LPXN: variants seen among roughly 807,000 people sequenced by gnomAD.
The protein encoded by LPXN is leupaxin.
A neutral mutation model predicts 45.6 loss-of-function variants in LPXN; 28 were observed. The ratio of observed to expected loss-of-function variants is 0.61; its 90% confidence interval spans 0.45 to 0.84. The LOEUF (loss-of-function observed/expected upper bound fraction) is 0.84. Among genes scored for constraint, LPXN ranks in the 40% least tolerant of loss-of-function variants. The pLI is 0.00. For synonymous variants in LPXN, 166 were observed against 169.9 expected (o/e 0.98, Z 0.18); for missense variants, 459 against 475.0 (o/e 0.97, Z 0.31).
At chr11:58,562,806 G>A (rs1035974881) in intron 3 of LPXN, among the ~76,000 whole-genome samples, 34 of 13,628 alleles carry the variant, frequency 2.5e-3, no homozygotes, top group African/African-American at 3.2e-3. Flanking sequence ...GAAATAGAGC[G>A]ACTTGTGGGG....
At chr11:58,576,809 C>T (rs1312484119), upstream of LPXN, among the ~76,000 whole-genome samples, 1 of 152,186 alleles carries the variant, frequency 6.6e-6, no homozygotes, top group Non-Finnish European at 1.5e-5. Flanking sequence ...AGCTCTCTGT[C>T]ACCCAGGCTG....
chr11:58,533,627 T>C (rs756293968), intron 7 of LPXN, among the ~76,000 whole-genome samples: 2 of 152,202 alleles, frequency 1.3e-5, no homozygotes, highest in African/African-American at 2.4e-5. Flanking sequence ...TTCTTCAAAA[T>C]AACCAGCTAG....
chr11:58,558,540 C>CAAAA (rs35870490), intron 3 of LPXN, among the ~76,000 whole-genome samples: 94 of 47,884 alleles, frequency 2.0e-3, no homozygotes, highest in East Asian at 5.2e-3. Context: ...GAGACCCTGT[C>CAAAA]AAAAAAAAAA....
At chr11:58,577,427 G>A (rs1392675052), upstream of LPXN, among the ~76,000 whole-genome samples, 1 of 152,202 alleles carries the variant, frequency 6.6e-6, no homozygotes, top group Admixed American at 6.5e-5. Flanking sequence ...TTAACTGAAT[G>A]ATTAATGTGA....
intron 1 of LPXN, among the ~76,000 whole-genome samples, chr11:58,572,448 C>A (rs937749683): frequency 6.6e-6 from 1 of 151,972 alleles, no homozygotes; most frequent in Non-Finnish European, 1.5e-5. Context: ...GACCCTATGG[C>A]ATTAAAAAGT....
intron 2 of LPXN, 58 bp from the exon 3 acceptor site, chr11:58,564,259 T>C (rs1590577474): frequency 2.8e-6 from 3 of 1,070,902 alleles, no homozygotes; most frequent in Admixed American, 3.7e-5. Flanking sequence ...ATCAGAATGT[T>C]GAGGCTTAAT....
chr11:58,557,665 G>A (rs758943772), intron 3 of LPXN, among the ~76,000 whole-genome samples: 12 of 152,240 alleles, frequency 7.9e-5, no homozygotes, highest in Middle Eastern at 3.4e-3. Context: ...AAATTGTATC[G>A]TATTTAGGAT....
intron 1 of LPXN, among the ~76,000 whole-genome samples, chr11:58,574,754 T>C (rs1165422536): frequency 6.6e-6 from 1 of 152,158 alleles, no homozygotes; most frequent in East Asian, 1.9e-4. Flanking sequence ...TATTAAACAC[T>C]ACCTTTTTCT....
At chr11:58,557,114 C>A (rs1711813537) in intron 3 of LPXN, among the ~76,000 whole-genome samples, 1 of 152,022 alleles carries the variant, frequency 6.6e-6, no homozygotes, top group Admixed American at 6.6e-5. Context: ...ATTGTTACAG[C>A]CATTACAGAA....
intron 7 of LPXN, among the ~76,000 whole-genome samples, chr11:58,545,449 C>T (rs2120286494): frequency 6.6e-6 from 1 of 152,248 alleles, no homozygotes; most frequent in South Asian, 2.1e-4. Context: ...ACTTTTATGG[C>T]TACCAGTACA....
rs116631874 is a variant in LPXN, at chr11:58,535,925, T to A, written c.743-7734A>T. On this transcript the variant is annotated intron_variant, in intron 7 of 8. Transcript: ENST00000395074. ...ACTCATTCACAATTGCTATACAGAA[T>A]TAAATACCTTGGAATACAACTTACA... Among the ~76,000 whole-genome samples the A allele has an allele frequency of 7.8e-3, 1,182 of 152,230 alleles. 16 individuals carry two copies. Among genetic ancestry groups the A allele is most frequent in the African/African-American group, 0.027 (1,134 of 41,522 alleles).
intron 7 of LPXN, among the ~76,000 whole-genome samples, chr11:58,541,140 A>T (rs1444004690): frequency 6.6e-6 from 1 of 152,222 alleles, no homozygotes; most frequent in East Asian, 1.9e-4. Flanking sequence ...CAAGGACTTC[A>T]TGTCTAAAAC....
At chr11:58,541,989 A>G in intron 7 of LPXN, among the ~76,000 whole-genome samples, 1 of 150,954 alleles carries the variant, frequency 6.6e-6, no homozygotes, top group African/African-American at 2.4e-5. Flanking sequence ...GAATTGAACA[A>G]TGAGAACACA....
At chr11:58,578,662 C>T (rs1854996508), upstream of LPXN, among the ~76,000 whole-genome samples, 1 of 152,320 alleles carries the variant, frequency 6.6e-6, no homozygotes, top group South Asian at 2.1e-4. Context: ...CAGGCTACTT[C>T]TGCGGCCTAA....
chr11:58,561,626 T>G (rs1854380587), intron 3 of LPXN, among the ~76,000 whole-genome samples: 1 of 152,226 alleles, frequency 6.6e-6, no homozygotes, highest in Non-Finnish European at 1.5e-5. Flanking sequence ...GCAGCAGGAC[T>G]GTGAACACAT....
At chr11:58,573,478 A>AT (rs1854777816) in intron 1 of LPXN, among the ~76,000 whole-genome samples, 1 of 152,202 alleles carries the variant, frequency 6.6e-6, no homozygotes, top group South Asian at 2.1e-4. Flanking sequence ...ATAAAAAGCC[A>AT]TTTACAATAA....
Position 58,549,858 on chromosome 11 carries a change from T to A in LPXN, c.670A>T (p.Thr224Ser). Residue 224 changes from threonine (T) to serine (S), a missense_variant, in exon 7 of 9, where the codon ACA (threonine) becomes TCA (serine). Thr to Ser is a moderately conservative substitution (Grantham distance 58). Coordinates refer to ENST00000395074, the MANE Select transcript of LPXN (RefSeq NM_004811.3). Reference sequence around the variant, plus strand: ...GGGTGCCAGGTCTGGTTCATTGCTGTCAGCACTTTCTGGAAAGGGAACACA... The same window carrying A: ...GGGTGCCAGGTCTGGTTCATTGCTGACAGCACTTTCTGGAAAGGGAACACA... Reference protein sequence around the residue: ...CAAPILDKVLTAMNQTWHPEH... With the variant: ...CAAPILDKVLSAMNQTWHPEH... The A allele has an allele frequency of 6.2e-7, 1 of 1,614,180 alleles. No homozygotes were observed. Among genetic ancestry groups the A allele is most frequent in the African/African-American group, 1.3e-5 (1 of 75,048 alleles).
chr11:58,555,027 T>C, intron 3 of LPXN, 87 bp from the exon 4 acceptor site: 1 of 812,726 alleles, frequency 1.2e-6, no homozygotes, highest in South Asian at 1.5e-5. Context: ...AATGCAACTG[T>C]AATAATGAAT....
intron 7 of LPXN, among the ~76,000 whole-genome samples, chr11:58,547,331 C>T (rs1853905282): frequency 6.6e-6 from 1 of 152,134 alleles, no homozygotes; most frequent in East Asian, 1.9e-4. Context: ...AAAACAAATC[C>T]TCAAAGAAAC....
Sources: allele counts gnomAD v4.1 joint callset (sites outside exome capture counted in the v4.1 genomes callset), GRCh38; gene constraint gnomAD v4.1.1; transcripts MANE v1.5; gene names NCBI Gene and HGNC (gene_info 2026-07-23, HGNC 2026-07-21).